Variants in ZMYND19 observed in about 807,000 individuals in gnomAD.
The protein encoded by ZMYND19 is zinc finger MYND domain-containing protein 19.
Under a neutral mutation model 32.0 loss-of-function variants are expected in ZMYND19, and 17 were observed. The ratio of observed to expected loss-of-function variants is 0.53; its 90% confidence interval spans 0.36 to 0.80. The LOEUF is 0.80. Among genes scored for constraint, ZMYND19 ranks in the 30% least tolerant of loss-of-function variants. The pLI is 0.00. For missense variants in ZMYND19, 250 were observed against 293.6 expected (o/e 0.85, Z 1.09); for synonymous variants, 124 against 113.6 (o/e 1.09, Z -0.58).
chr9:137,587,199 G>A, intron 3 of ZMYND19, 92 bp from the exon 4 acceptor site: 1 of 1,539,680 alleles, frequency 6.5e-7, no homozygotes, highest in South Asian at 1.2e-5. Flanking sequence ...GTCCTTCCAG[G>A]AAGAAATGTC....
At position 137,583,114 on chromosome 9, in the gene ZMYND19, T is replaced by G; in HGVS notation, c.409A>C (p.Ile137Leu). The change falls in exon 5 of 6, where the codon ATA (isoleucine) becomes CTA (leucine). Residue 137 changes from isoleucine (I) to leucine (L), a missense_variant. Ile to Leu is a conservative substitution (Grantham distance 5). Coordinates refer to ENST00000298585, the MANE Select transcript of ZMYND19 (RefSeq NM_138462.3). ...TTTAGGACAGGAAACTGTTCTTCTA[T>G]AGGGTCTGTAGGCAGCTGCTGAATT... ...LAIQQLPTDP[I>L]EEQFPVLNVT... is the part of the protein sequence containing the mutation. 2 of 1,614,134 alleles carry G rather than the reference T, an allele frequency of 1.2e-6. No individual in the cohort carries two copies. Among genetic ancestry groups the G allele is most frequent in the East Asian group, 4.5e-5 (2 of 44,884 alleles).
At chr9:137,589,766 C>T (rs1465966716) in intron 1 of ZMYND19, 7 of 985,380 alleles carry the variant, frequency 7.1e-6, no homozygotes, top group Non-Finnish European at 8.4e-6. Flanking sequence ...CCACACCAGA[C>T]CCGCCTCGGC....
At chr9:137,588,792 C>A (rs1025750409) in intron 1 of ZMYND19, 74 bp from the exon 2 acceptor site, 2 of 1,558,972 alleles carry the variant, frequency 1.3e-6, no homozygotes, top group African/African-American at 2.7e-5. Context: ...ATAACCAGAA[C>A]AGGCAGGAGC....
At chr9:137,589,870 C>A in intron 1 of ZMYND19, 1 of 985,426 alleles carries the variant, frequency 1.0e-6, no homozygotes, top group South Asian at 4.7e-5. Context: ...GGCCCCGGAT[C>A]GCCGACACCA....
intron 4 of ZMYND19, among the ~76,000 whole-genome samples, chr9:137,584,381 A>G (rs146075315): frequency 1.0e-3 from 157 of 152,360 alleles, no homozygotes; most frequent in African/African-American, 3.6e-3. Context: ...GACCAGGAGC[A>G]TCAGCCCAAC....
At chr9:137,585,080 A>G (rs879726533) in intron 4 of ZMYND19, among the ~76,000 whole-genome samples, 1 of 152,164 alleles carries the variant, frequency 6.6e-6, no homozygotes, top group Non-Finnish European at 1.5e-5. Context: ...CTAATATTAG[A>G]GCAAGGACCG....
chr9:137,582,726 G>C (rs1842161261), intron 5 of ZMYND19, 40 bp from the exon 6 acceptor site: 1 of 1,602,864 alleles, frequency 6.2e-7, no homozygotes, highest in African/African-American at 1.3e-5. Flanking sequence ...ATCATGCCTG[G>C]GACGCAGTGT....
intron 4 of ZMYND19, among the ~76,000 whole-genome samples, chr9:137,584,328 C>A (rs1842180211): frequency 6.6e-6 from 1 of 152,232 alleles, no homozygotes; most frequent in Admixed American, 6.5e-5. Context: ...CCTGCTGTGC[C>A]CTCAGAGAAT....
chr9:137,582,746 G>C, intron 5 of ZMYND19, 60 bp from the exon 6 acceptor site: 1 of 1,586,598 alleles, frequency 6.3e-7, no homozygotes, highest in Non-Finnish European at 8.6e-7. Flanking sequence ...TGGGGCAAAG[G>C]CTGCGTCTTA....
intron 4 of ZMYND19, 80 bp from the exon 5 acceptor site, chr9:137,583,243 G>T: frequency 6.6e-7 from 1 of 1,516,544 alleles, no homozygotes; most frequent in Non-Finnish European, 9.0e-7. Flanking sequence ...TGACTCCATA[G>T]AGTGCCATCC....
At chr9:137,587,633 G>A (rs1442685295) in intron 3 of ZMYND19, 84 bp downstream of exon 3, 1 of 1,223,554 alleles carries the variant, frequency 8.2e-7, no homozygotes, top group African/African-American at 1.5e-5. Flanking sequence ...CTTCAGCGGG[G>A]CAGGGGGCTC....
intron 4 of ZMYND19, among the ~76,000 whole-genome samples, chr9:137,585,141 GGC>G (rs1384622706): frequency 6.6e-6 from 1 of 151,988 alleles, no homozygotes; most frequent in Non-Finnish European, 1.5e-5. Context: ...GCTGAAGCGG[GGC>G]CAGGCGTGGT....
Position 137,588,748 on chromosome 9 carries a change from T to C in ZMYND19, c.52-30A>G, listed in dbSNP as rs370957342. On this transcript the variant is annotated intron_variant, in intron 1 of 5. Coordinates refer to ENST00000298585, the MANE Select transcript of ZMYND19 (RefSeq NM_138462.3). ...AAGTTAACCACATGTTTCAAATCAT[T>C]ACATTTGGGATCTGCGTGAGGTGCA... is the stretch of plus-strand genomic sequence containing the variant. The C allele has an allele frequency of 2.5e-6, 4 of 1,613,546 alleles. No individual in the cohort carries two copies. The African/African-American group carries it at 5.3e-5, about 22-fold the overall frequency.
At position 137,590,192 on chromosome 9, in the gene ZMYND19, C is replaced by A. The variant is rs1193197562; in HGVS notation, c.51+21G>T. On this transcript the variant is annotated intron_variant, in intron 1 of 5. Transcript: ENST00000298585. The surrounding 1 kb of genome is among the most constrained non-coding windows in gnomAD (Gnocchi z 4.2). ...CCTGGACGGGCGAGACGGGCCGGGT[C>A]GCGGGCTCCGCGCCGCTCACCTTCC... is the stretch of plus-strand genomic sequence containing the variant. 53 of 1,073,780 alleles carry A rather than the reference C, an allele frequency of 4.9e-5. No homozygotes were observed. The African/African-American group carries it at 8.1e-4, about 16-fold the overall frequency. The allele number at this position is 1,073,780 out of a possible 1,614,324, so 66.5% of individuals were successfully genotyped here.
rs1842221680 is a variant in ZMYND19 at position 137,587,702 on chromosome 9, C to G, written c.218+15G>C. ...GCCCAGTGGCGGGGGGCAGAGACAGCTTGGAAACACCCACCACAGCAGCTC... is the reference window on the plus strand; with the variant it reads ...GCCCAGTGGCGGGGGGCAGAGACAGGTTGGAAACACCCACCACAGCAGCTC... On this transcript the variant is annotated intron_variant, in intron 3 of 5. Transcript: ENST00000298585. 1.2e-6 allele frequency: 2 copies of G among 1,612,916 alleles called. No individual in the cohort carries two copies. Among genetic ancestry groups the G allele is most frequent in the Non-Finnish European group, 8.5e-7 (1 of 1,179,274 alleles).
At chr9:137,583,634 T>TGCTGTACAGAACAAGCCCTGGAGCGA (rs71493679) in intron 4 of ZMYND19, among the ~76,000 whole-genome samples, 3 of 152,006 alleles carry the variant, frequency 2.0e-5, no homozygotes, top group Non-Finnish European at 4.4e-5. Flanking sequence ...CAAAGGCATG[T>TGCTGTACAGAACAAGCCCTGGAGCGA]GCACTGGCTG....
At position 137,583,096 on chromosome 9, in the gene ZMYND19, C is replaced by T. The variant is rs1217489495; in HGVS notation, c.427G>A (p.Val143Ile). ...TTATAATACCGGGTCACATTTAGGA[C>T]AGGAAACTGTTCTTCTATAGGGTCT... ...PTDPIEEQFP[V>I]LNVTRYYNAN... Residue 143 changes from valine (V) to isoleucine (I), a missense_variant, in exon 5 of 6, where the codon GTC (valine) becomes ATC (isoleucine). Val to Ile is a conservative substitution (Grantham distance 29, BLOSUM62 3). Coordinates refer to ENST00000298585, the MANE Select transcript of ZMYND19 (RefSeq NM_138462.3). 1.2e-6 allele frequency: 2 copies of T among 1,614,174 alleles called. No homozygotes were observed. Among genetic ancestry groups the T allele is most frequent in the East Asian group, 4.5e-5 (2 of 44,884 alleles).
chr9:137,589,622 C>T, intron 1 of ZMYND19: 2 of 985,344 alleles, frequency 2.0e-6, no homozygotes, highest in Non-Finnish European at 1.2e-6. Context: ...CGAGGAAGGC[C>T]CTGAGTCTGC....
intron 4 of ZMYND19, among the ~76,000 whole-genome samples, chr9:137,585,210 G>A (rs903069656): frequency 6.6e-6 from 1 of 152,050 alleles, no homozygotes; most frequent in African/African-American, 2.4e-5. Context: ...ATCACCTGAG[G>A]TCAGGAGTTC....
Sources: gnomAD v4.1 joint callset for allele counts (sites outside exome capture counted in the v4.1 genomes callset) on GRCh38, gnomAD v4.1.1 for gene constraint, Gnocchi (gnomAD v3.1) non-coding constraint, MANE v1.5 for transcripts, NCBI Gene and HGNC (gene_info 2026-07-23, HGNC 2026-07-21) for gene names.